Variants in USP54 observed in about 807,000 individuals in gnomAD.
USP54 encodes ubiquitin specific peptidase 54.
Under a neutral mutation model 170.5 loss-of-function variants are expected in USP54, and 87 were observed. The observed-to-expected ratio is 0.51, with a 90% CI of 0.43 to 0.61. USP54 has a LOEUF of 0.61. Among genes scored for constraint, USP54 ranks in the 20% least tolerant of loss-of-function variants. USP54 has a pLI of 0.00. For synonymous variants in USP54, 655 were observed against 742.8 expected, an observed-to-expected ratio of 0.88 and a Z score of 1.92; for missense variants, 1,786 against 2,047.8, an observed-to-expected ratio of 0.87 and a Z score of 2.47.
Position 73,498,152 on chromosome 10 carries a change from T to G in USP54, c.*477A>C, listed in dbSNP as rs759963402. 6.6e-6 allele frequency: 1 copy of G among 152,434 alleles called. No individual in the cohort carries two copies. The highest frequency in any genetic ancestry group is 1.5e-5 in the Non-Finnish European group (1 of 68,226). The allele number at this position is 152,434 out of a possible 1,614,324, so 9.4% of individuals were successfully genotyped here. On this transcript the variant is annotated 3_prime_UTR_variant, in exon 24 of 24. Coordinates refer to ENST00000687698, the MANE Select transcript of USP54 (RefSeq NM_001391956.1). ...ATTTCAAATATCCCCTCCCAAAGAA[T>G]CACATCTTTTTAGAGGTTCCTGACA...
intron 1 of USP54, among the ~76,000 whole-genome samples, chr10:73,618,699 G>C (rs1400362637): frequency 7.0e-6 from 1 of 142,428 alleles, no homozygotes; most frequent in South Asian, 2.2e-4. Context: ...CTGCGATTGC[G>C]CCACTGCACT....
chr10:73,571,513 C>T lies in USP54; in HGVS notation c.148G>A (p.Val50Ile), dbSNP rs1398290845. ...NSCFLNSALQ[V>I]LWHLDIFRRS... ...CGGAAGATATCCAAGTGCCACAAAA[C>T]CTGATGAGAAAAGGAAAATATTTCA... The change falls in exon 4 of 24, where the codon GTT becomes ATT. Residue 50 changes from valine (V) to isoleucine (I), a missense_variant and splice_region_variant. Physicochemically the swap from Val to Ile is conservative, Grantham distance 29. Transcript: ENST00000687698. 3 of 1,612,864 alleles carry T rather than the reference C, an allele frequency of 1.9e-6. No homozygotes were observed. Among genetic ancestry groups the T allele is most frequent in the Non-Finnish European group, 2.5e-6 (3 of 1,179,354 alleles).
At chr10:73,590,447 C>T (rs1329242694) in intron 1 of USP54, among the ~76,000 whole-genome samples, 1 of 152,102 alleles carries the variant, frequency 6.6e-6, no homozygotes, top group East Asian at 1.9e-4. Context: ...AAGCTCATCA[C>T]TTATAACTGC....
chr10:73,571,586 C>A, intron 3 of USP54, 73 bp from the exon 4 acceptor site: 2 of 1,211,808 alleles, frequency 1.7e-6, no homozygotes, highest in Non-Finnish European at 2.4e-6. Context: ...AGAGTTCAAA[C>A]AAACATAGGT....
intron 15 of USP54, among the ~76,000 whole-genome samples, chr10:73,527,810 G>A (rs2063192482): frequency 7.0e-6 from 1 of 143,420 alleles, no homozygotes; most frequent in African/African-American, 2.6e-5. Flanking sequence ...GACAAGCCTG[G>A]GCAAAATGAT....
At chr10:73,536,062 G>A in intron 11 of USP54, 1 of 624,104 alleles carries the variant, frequency 1.6e-6, no homozygotes, top group Non-Finnish European at 2.8e-6. Flanking sequence ...GAGGCCAAGT[G>A]ATTTAGGCAA....
chr10:73,529,429 G>T, intron 15 of USP54: 1 of 497,036 alleles, frequency 2.0e-6, no homozygotes, highest in Non-Finnish European at 3.7e-6. Flanking sequence ...CTGCACATAT[G>T]CCCCCTGAAC....
In USP54 at chr10:73,519,919, T is replaced by A; in HGVS notation, c.2556A>T (p.Gln852His). 1 of 1,614,040 alleles carries A rather than the reference T, an allele frequency of 6.2e-7. No individual in the cohort carries two copies. Among genetic ancestry groups the A allele is most frequent in the East Asian group, 2.2e-5 (1 of 44,880 alleles). The change falls in exon 19 of 24, where the codon CAA becomes CAT. Residue 852 changes from glutamine (Q) to histidine (H), a missense_variant. By Grantham distance (24) the Gln-to-His change is conservative (BLOSUM62 0). Around this residue, in one of 3 missense-constraint regions of USP54, gnomAD observed 1,418 missense variants for 1,569.0 expected, o/e 0.90. Transcript: ENST00000687698. Reference sequence around the variant, plus strand: ...GGCTCCGTGCTTTTCGAATACTGATTTGCAACTTCTTATCGACTAGGGCTC... The same window carrying A: ...GGCTCCGTGCTTTTCGAATACTGATATGCAACTTCTTATCGACTAGGGCTC... ...HSRALVDKKL[Q>H]ISIRKARSLQ... is the part of the protein sequence containing the mutation.
chr10:73,609,442 T>C (rs1357002231), intron 1 of USP54, among the ~76,000 whole-genome samples: 1 of 152,218 alleles, frequency 6.6e-6, no homozygotes, highest in South Asian at 2.1e-4. Flanking sequence ...CTGGGTGCTG[T>C]GGCTCTCGCC....
chr10:73,542,845 G>A lies in USP54; in HGVS notation c.530C>T (p.Pro177Leu). ...GATATAATGTACCATCTGGATGAAA[G>A]GCAGCGGATCAGAAGTGGCACCACA... is the stretch of plus-strand genomic sequence containing the variant. ...TSCGATSDPLPFIQMVHYIST... is the reference protein window; with the variant it reads ...TSCGATSDPLLFIQMVHYIST... Residue 177 changes from proline (P) to leucine (L), a missense_variant, in exon 7 of 24, where the codon CCT becomes CTT. Pro to Leu is a moderately conservative substitution (Grantham distance 98). Transcript: ENST00000687698. The A allele has an allele frequency of 6.2e-7, 1 of 1,614,044 alleles. No homozygotes were observed. Among genetic ancestry groups the A allele is most frequent in the Non-Finnish European group, 8.5e-7 (1 of 1,180,012 alleles).
At chr10:73,570,440 T>C (rs1429369664) in intron 4 of USP54, among the ~76,000 whole-genome samples, 1 of 150,434 alleles carries the variant, frequency 6.6e-6, no homozygotes, top group Non-Finnish European at 1.5e-5. Context: ...AACTTAAAAC[T>C]AAACAATACA....
At chr10:73,536,505 C>T in intron 10 of USP54, 68 bp from the exon 11 acceptor site, 2 of 1,412,246 alleles carry the variant, frequency 1.4e-6, no homozygotes, top group South Asian at 3.7e-5. Flanking sequence ...ACATATCTTT[C>T]TGTTCTGTAT....
At chr10:73,584,198 G>T (rs2077211876) in intron 1 of USP54, among the ~76,000 whole-genome samples, 1 of 152,136 alleles carries the variant, frequency 6.6e-6, no homozygotes. Flanking sequence ...GACCAGTCTG[G>T]CCAACATAGT....
rs139623814 is a variant in USP54, at chr10:73,530,998, T to C, written c.1316-163A>G. Reference sequence around the variant, plus strand: ...TGATTTCAGTGTAGGAACCTCCCAGTAGATAAATGCAGAGAAGGGCCAGGT... The same window carrying C: ...TGATTTCAGTGTAGGAACCTCCCAGCAGATAAATGCAGAGAAGGGCCAGGT... On this transcript the variant is annotated intron_variant, in intron 12 of 23. Transcript: ENST00000687698. 2.3e-3 allele frequency among the ~76,000 whole-genome samples: 350 copies of C among 152,060 alleles called. 3 individuals carry two copies. Among genetic ancestry groups the C allele is most frequent in the Middle Eastern group, 3.4e-3 (1 of 294 alleles).
intron 1 of USP54, among the ~76,000 whole-genome samples, chr10:73,618,698 C>T (rs1049343243): frequency 4.8e-5 from 7 of 145,472 alleles, no homozygotes; most frequent in East Asian, 2.0e-4. Flanking sequence ...GCTGCGATTG[C>T]GCCACTGCAC....
chr10:73,531,407 A>C (rs1294300060), intron 12 of USP54, among the ~76,000 whole-genome samples: 3 of 152,246 alleles, frequency 2.0e-5, no homozygotes, highest in African/African-American at 7.2e-5. Context: ...CAGAAGGACT[A>C]ATGACATGTT....
intron 1 of USP54, among the ~76,000 whole-genome samples, chr10:73,612,645 T>C (rs1011774415): frequency 1.3e-5 from 2 of 151,908 alleles, no homozygotes; most frequent in African/African-American, 2.4e-5. Flanking sequence ...AGATCAAGAC[T>C]AGCCTGGCCA....
intron 7 of USP54, among the ~76,000 whole-genome samples, chr10:73,542,120 G>T (rs2066738841): frequency 6.6e-6 from 1 of 152,134 alleles, no homozygotes; most frequent in Admixed American, 6.5e-5. Flanking sequence ...GTTTTTTTGA[G>T]ACAGGGTCTC....
intron 1 of USP54, among the ~76,000 whole-genome samples, chr10:73,581,670 A>G (rs935820306): frequency 6.6e-6 from 1 of 152,258 alleles, no homozygotes; most frequent in African/African-American, 2.4e-5. Context: ...AAAATACATA[A>G]TTCAAAAAGC....
Sources: gnomAD v4.1 joint callset for allele counts (sites outside exome capture counted in the v4.1 genomes callset) on GRCh38, gnomAD v4.1.1 for gene constraint, gnomAD v4.1.1 regional missense constraint, MANE v1.5 for transcripts, NCBI Gene and HGNC (gene_info 2026-07-23, HGNC 2026-07-21) for gene names.